Variants in RBM20 observed in about 807,000 individuals in gnomAD.
The protein encoded by RBM20 is RNA-binding protein 20.
A neutral mutation model predicts 110.1 loss-of-function variants in RBM20; 51 were observed. The ratio of observed to expected loss-of-function variants is 0.46; its 90% CI spans 0.37 to 0.59. The LOEUF (loss-of-function observed/expected upper bound fraction) is 0.59, where lower values mean the gene tolerates loss of function less well. RBM20 is among the 20% of genes least tolerant of loss of function. The pLI, the probability that RBM20 is intolerant of heterozygous loss-of-function variation, is 0.00. For missense variants in RBM20, 1,512 were observed against 1,574.9 expected, an observed-to-expected ratio of 0.96 and a Z score of 0.68; for synonymous variants, 589 against 618.2, an observed-to-expected ratio of 0.95 and a Z score of 0.70.
At chr10:110,668,901 C>A (rs902259332) in intron 1 of RBM20, among the ~76,000 whole-genome samples, 27 of 142,996 alleles carry the variant, frequency 1.9e-4, no homozygotes, top group African/African-American at 4.1e-4. Flanking sequence ...AAAAAAAAAA[C>A]CAAAAAACCT....
At chr10:110,753,786 G>A (rs905430570) in intron 1 of RBM20, among the ~76,000 whole-genome samples, 2 of 152,150 alleles carry the variant, frequency 1.3e-5, no homozygotes, top group Admixed American at 1.3e-4. Flanking sequence ...TTCTAGGGGG[G>A]AATCTTTTCT....
intron 13 of RBM20, among the ~76,000 whole-genome samples, chr10:110,834,229 C>T (rs1845094967): frequency 6.6e-6 from 1 of 152,234 alleles, no homozygotes; most frequent in Non-Finnish European, 1.5e-5. Flanking sequence ...TTCCTCAGCA[C>T]ACGGTTTACC....
chr10:110,836,524 C>T lies in RBM20; in HGVS notation c.*546C>T, dbSNP rs72836956. On this transcript the variant is annotated 3_prime_UTR_variant, in exon 14 of 14. Transcript: ENST00000369519. The stretch of plus-strand genomic sequence containing the variant: ...CAGGTCTGCAGTCCTGGTGAGGGGA[C>T]ATCACGGACAATCTGTTGGCAGAGC... 26,826 of 152,140 alleles carry T rather than the reference C, an allele frequency of 0.18. 3,077 individuals are homozygous for T. The highest frequency in any genetic ancestry group is 0.26 in the Non-Finnish European group (17,661 of 67,984). 9.4% of individuals were successfully genotyped at this position (152,140 alleles called of 1,614,324 possible).
intron 1 of RBM20, among the ~76,000 whole-genome samples, chr10:110,676,792 T>A (rs1454754711): frequency 5.2e-5 from 1 of 19,386 alleles, no homozygotes; most frequent in Non-Finnish European, 3.7e-4. Flanking sequence ...ACAAATGCTA[T>A]TTTTTTTGCT....
At chr10:110,780,327 G>C (rs1844320539) in intron 1 of RBM20, among the ~76,000 whole-genome samples, 2 of 151,862 alleles carry the variant, frequency 1.3e-5, no homozygotes, top group Non-Finnish European at 2.9e-5. Flanking sequence ...AGCATCTTTG[G>C]GTATCAAATT....
intron 1 of RBM20, among the ~76,000 whole-genome samples, chr10:110,650,511 G>A (rs1271421886): frequency 1.3e-5 from 2 of 152,192 alleles, no homozygotes; most frequent in Non-Finnish European, 2.9e-5. Flanking sequence ...GGGGGGTCAT[G>A]CATGTGTTTG....
chr10:110,677,761 G>C (rs377023544), intron 1 of RBM20, among the ~76,000 whole-genome samples: 18 of 152,270 alleles, frequency 1.2e-4, no homozygotes, highest in African/African-American at 4.3e-4. Context: ...TAGATAGTTG[G>C]TGTGTTCGAT....
At chr10:110,816,328 T>C (rs1844839625) in intron 9 of RBM20, among the ~76,000 whole-genome samples, 1 of 87,754 alleles carries the variant, frequency 1.1e-5, no homozygotes, top group African/African-American at 4.5e-5. Flanking sequence ...CCGACACTAC[T>C]GCAGACCATC....
chr10:110,772,834 C>T (rs17762956), intron 1 of RBM20, among the ~76,000 whole-genome samples: 1 of 152,100 alleles, frequency 6.6e-6, no homozygotes, highest in Admixed American at 6.5e-5. Flanking sequence ...TTCCAGAGCA[C>T]CTGCACATCA....
chr10:110,653,580 C>T (rs1213255508), intron 1 of RBM20, among the ~76,000 whole-genome samples: 1 of 150,206 alleles, frequency 6.7e-6, no homozygotes, highest in East Asian at 1.9e-4. Flanking sequence ...TTTTTTGAGA[C>T]AGGGTCTCAC....
rs748640107 is a variant in RBM20, at chr10:110,799,852, T to G, written c.1734T>G (p.Ser578=). ...QAMVQYYQEK[S]AVINGEKLLI... ...TGGTCCAGTATTATCAAGAAAAATC[T>G]GCTGTGATCAATGGTGAGAAGTTGC... The change falls in exon 7 of 14, where the codon TCT becomes TCG. Residue 578 remains serine, a synonymous_variant. Transcript: ENST00000369519. 1.3e-6 allele frequency: 2 copies of G among 1,551,914 alleles called. No homozygotes were observed. The highest frequency in any genetic ancestry group is 2.7e-5 in the African/African-American group (2 of 73,066).
chr10:110,681,088 C>G (rs1466267135), intron 1 of RBM20, among the ~76,000 whole-genome samples: 1 of 152,208 alleles, frequency 6.6e-6, no homozygotes, highest in African/African-American at 2.4e-5. Context: ...CTCGCACATT[C>G]CTCACTGACC....
rs1844359045 is a variant in RBM20, at chr10:110,781,943, A to G, written c.1275+59A>G. On this transcript the variant is annotated intron_variant, in intron 2 of 13. Transcript: ENST00000369519. ...TAGAAGCCTGGGCAGGCCTTTCCCC[A>G]TGACCCAACTCACGCTGCCAATGGG... The G allele has an allele frequency of 1.8e-5, 28 of 1,547,476 alleles. No homozygotes were observed. The South Asian group carries it at 3.2e-4, about 18-fold the overall frequency.
intron 13 of RBM20, among the ~76,000 whole-genome samples, chr10:110,832,702 A>G (rs1845072545): frequency 6.6e-6 from 1 of 152,202 alleles, no homozygotes; most frequent in South Asian, 2.1e-4. Context: ...TTACTCTACT[A>G]TACTTGTCTT....
chr10:110,727,729 A>G (rs1176530465), intron 1 of RBM20, among the ~76,000 whole-genome samples: 1 of 152,090 alleles, frequency 6.6e-6, no homozygotes, highest in Non-Finnish European at 1.5e-5. Flanking sequence ...GGTTTGCTGC[A>G]CTCATTAGCC....
intron 1 of RBM20, among the ~76,000 whole-genome samples, chr10:110,653,670 C>T (rs1012063394): frequency 2.0e-5 from 3 of 152,144 alleles, no homozygotes; most frequent in Non-Finnish European, 4.4e-5. Context: ...AATCTCCCAC[C>T]TCAACCTTCC....
chr10:110,656,096 T>C (rs2134814472), intron 1 of RBM20, among the ~76,000 whole-genome samples: 1 of 152,106 alleles, frequency 6.6e-6, no homozygotes, highest in African/African-American at 2.4e-5. Context: ...TGGTCAGGAG[T>C]TCGAGACCAG....
intron 1 of RBM20, among the ~76,000 whole-genome samples, chr10:110,704,818 T>C (rs1361004993): frequency 2.0e-5 from 3 of 152,024 alleles, no homozygotes; most frequent in Admixed American, 6.6e-5. Flanking sequence ...AGAGTGGAGG[T>C]TTGGAGAAGC....
chr10:110,766,524 ACTCTTAACG>A (rs1416457386), intron 1 of RBM20, among the ~76,000 whole-genome samples: 1 of 151,666 alleles, frequency 6.6e-6, no homozygotes. Context: ...AGTGGTGATG[ACTCTTAACG>A]AGCATGCTGC....
Sources: allele counts gnomAD v4.1 joint callset (sites outside exome capture counted in the v4.1 genomes callset), GRCh38; gene constraint gnomAD v4.1.1; transcripts MANE v1.5; gene names NCBI Gene and HGNC (gene_info 2026-07-23, HGNC 2026-07-21).